MYO16: variants seen among roughly 807,000 people sequenced by gnomAD.
MYO16 encodes the protein unconventional myosin-XVI.
MYO16 carries 94 observed loss-of-function variants against 205.3 expected under a neutral mutation model. The observed-to-expected ratio is 0.46, with a 90% confidence interval of 0.39 to 0.54. The LOEUF is 0.54. Among genes scored for constraint, MYO16 ranks in the 20% least tolerant of loss-of-function variants. The pLI is 0.00. For synonymous variants in MYO16, 988 were observed against 954.0 expected (o/e 1.04, Z -0.66); for missense variants, 2,315 against 2,387.5 (o/e 0.97, Z 0.63).
intron 32 of MYO16, among the ~76,000 whole-genome samples, chr13:109,158,328 T>G (rs1469476057): frequency 6.6e-6 from 1 of 152,182 alleles, no homozygotes; most frequent in Non-Finnish European, 1.5e-5. Context: ...CTCTCCACTC[T>G]TGCAGAGTTT....
chr13:109,004,910 G>A (rs988337303), intron 21 of MYO16, among the ~76,000 whole-genome samples: 3 of 152,118 alleles, frequency 2.0e-5, no homozygotes, highest in African/African-American at 7.2e-5. Context: ...TGTTTTATAT[G>A]GTATGTTCTC....
chr13:109,170,726 A>G (rs914287606), intron 33 of MYO16, among the ~76,000 whole-genome samples: 20 of 152,256 alleles, frequency 1.3e-4, no homozygotes, highest in African/African-American at 4.6e-4. Context: ...CCAAAAACCA[A>G]GGAAACAAGC....
In MYO16 at chr13:109,206,596, C is replaced by T. The variant is rs1360780810; in HGVS notation, c.5416-13C>T. ...GGTGCTACCTGTTTTTTCTGCCCCT[C>T]TTCCTCCCACAGGTAATCCATCAGC... On this transcript the variant is annotated splice_polypyrimidine_tract_variant and intron_variant, in intron 34 of 34. Coordinates refer to ENST00000457511, the MANE Select transcript of MYO16 (RefSeq NM_001198950.3). 7 of 1,599,026 alleles carry T rather than the reference C, an allele frequency of 4.4e-6. No individual in the cohort carries two copies. The highest frequency in any genetic ancestry group is 1.7e-5 in the Admixed American group (1 of 58,940).
At chr13:108,727,693 G>A in intron 4 of MYO16, 110 bp downstream of exon 4, 1 of 1,240,938 alleles carries the variant, frequency 8.1e-7, no homozygotes, top group South Asian at 1.5e-5. Flanking sequence ...AGAAAAATCT[G>A]CATATGTTAT....
At chr13:108,879,416 G>C (rs1038470715) in intron 12 of MYO16, among the ~76,000 whole-genome samples, 5 of 152,022 alleles carry the variant, frequency 3.3e-5, no homozygotes, top group African/African-American at 1.2e-4. Flanking sequence ...ACAATGTGCA[G>C]GTTTATTACA....
intron 16 of MYO16, among the ~76,000 whole-genome samples, chr13:108,936,128 C>T (rs1882473167): frequency 6.7e-6 from 1 of 148,742 alleles, no homozygotes; most frequent in Non-Finnish European, 1.5e-5. Context: ...TTCCTTCCTT[C>T]CTTCCTTCCT....
chr13:109,041,687 A>G (rs1886889239), intron 23 of MYO16, among the ~76,000 whole-genome samples: 1 of 152,202 alleles, frequency 6.6e-6, no homozygotes, highest in Non-Finnish European at 1.5e-5. Flanking sequence ...CTATTGAAAG[A>G]AATTAAGTAA....
intron 28 of MYO16, chr13:109,101,274 G>A (rs570145760): frequency 1.1e-4 from 18 of 159,380 alleles, no homozygotes; most frequent in Middle Eastern, 3.2e-3. Context: ...TCTCATAAGT[G>A]CATGTTCAAC....
intron 20 of MYO16, among the ~76,000 whole-genome samples, chr13:108,985,057 T>C (rs929222385): frequency 2.6e-5 from 4 of 152,248 alleles, no homozygotes; most frequent in Non-Finnish European, 5.9e-5. Context: ...TCATTTTGAC[T>C]TCACCTTTCT....
At chr13:109,039,443 T>A (rs900328556) in intron 23 of MYO16, among the ~76,000 whole-genome samples, 5 of 152,252 alleles carry the variant, frequency 3.3e-5, no homozygotes, top group African/African-American at 1.2e-4. Flanking sequence ...GACTATCTGC[T>A]CGGCCGTAAA....
At chr13:109,022,833 CAT>C (rs1251734702) in intron 23 of MYO16, among the ~76,000 whole-genome samples, 18 of 133,096 alleles carry the variant, frequency 1.4e-4, no homozygotes, top group East Asian at 2.1e-4. Context: ...AATATATAAA[CAT>C]AGTATATATT....
chr13:109,023,331 A>C (rs1353751208), intron 23 of MYO16, among the ~76,000 whole-genome samples: 3 of 72,936 alleles, frequency 4.1e-5, no homozygotes, highest in East Asian at 1.2e-3. Context: ...TTATACAGAT[A>C]TAAATATATA....
intron 20 of MYO16, among the ~76,000 whole-genome samples, chr13:108,971,239 G>T (rs558874056): frequency 6.6e-6 from 1 of 151,746 alleles, no homozygotes; most frequent in African/African-American, 2.4e-5. Context: ...AGAAGTTTGG[G>T]CAAGTACAGG....
At chr13:108,844,009 T>C (rs184152982) in intron 9 of MYO16, among the ~76,000 whole-genome samples, 27 of 152,290 alleles carry the variant, frequency 1.8e-4, no homozygotes, top group Admixed American at 1.8e-3. Flanking sequence ...CATTTACATG[T>C]TAAATCTTGT....
At position 109,019,826 on chromosome 13, in the gene MYO16, T is replaced by C; in HGVS notation, c.2711T>C (p.Val904Ala). 2 of 1,614,118 alleles carry C rather than the reference T, an allele frequency of 1.2e-6. No individual in the cohort carries two copies. Among genetic ancestry groups the C allele is most frequent in the South Asian group, 1.1e-5 (1 of 91,084 alleles). The change falls in exon 23 of 35, where the codon GTG (valine) becomes GCG (alanine). Residue 904 changes from valine to alanine, a missense_variant. Physicochemically the swap from Val to Ala is moderately conservative, Grantham distance 64. This residue lies in a region of MYO16 where 1,213 missense variants were observed against 1,274.4 expected (regional missense o/e 0.95). Transcript: ENST00000457511. ...CTAGAATCCTCAAACACAAATGCGG[T>C]GTACTCCCCCATGAAGGATGGGAAT... ...SLLESSNTNAVYSPMKDGNGN... is the reference protein window; with the variant it reads ...SLLESSNTNAAYSPMKDGNGN...
intron 2 of MYO16, among the ~76,000 whole-genome samples, chr13:108,676,850 C>G (rs138753167): frequency 6.6e-6 from 1 of 152,102 alleles, no homozygotes; most frequent in Non-Finnish European, 1.5e-5. Context: ...TTCCCCAACC[C>G]GCCAGGAACA....
At chr13:108,666,245 A>G in intron 2 of MYO16, 96 bp downstream of exon 2, 1 of 1,351,402 alleles carries the variant, frequency 7.4e-7, no homozygotes, top group East Asian at 2.5e-5. Flanking sequence ...ATGGGGCAGA[A>G]AAGTCCTTTT....
chr13:108,860,412 T>G (rs1878396781), intron 11 of MYO16, among the ~76,000 whole-genome samples: 1 of 152,198 alleles, frequency 6.6e-6, no homozygotes, highest in African/African-American at 2.4e-5. Flanking sequence ...ATCTGTCATT[T>G]ATGGGCATTG....
At chr13:108,645,056 CA>C (rs1030633553) in intron 1 of MYO16, among the ~76,000 whole-genome samples, 10 of 152,130 alleles carry the variant, frequency 6.6e-5, no homozygotes, top group Non-Finnish European at 2.9e-5. Flanking sequence ...GCAGAGACAT[CA>C]GGGGTGGGGA....
Sources: gnomAD v4.1 joint callset for allele counts (sites outside exome capture counted in the v4.1 genomes callset) on GRCh38, gnomAD v4.1.1 for gene constraint, gnomAD v4.1.1 regional missense constraint, MANE v1.5 for transcripts, NCBI Gene and HGNC (gene_info 2026-07-23, HGNC 2026-07-21) for gene names.